DCDC1: variants seen among roughly 807,000 people sequenced by gnomAD.
DCDC1 encodes the protein doublecortin domain containing 1.
Under a neutral mutation model 178.3 loss-of-function variants are expected in DCDC1, and 200 were observed. That is an observed-to-expected ratio of 1.12 (90% CI 1.00 to 1.26). The LOEUF is 1.26. Ranked by LOEUF, DCDC1 falls within the 50% of genes most tolerant of loss-of-function variation. The pLI is 0.00. For missense variants in DCDC1, 1,983 were observed against 1,749.2 expected (o/e 1.13, Z -2.38); for synonymous variants, 690 against 604.8 (o/e 1.14, Z -2.07).
chr11:31,331,819 G>A (rs1238886655), intron 2 of DCDC1, among the ~76,000 whole-genome samples: 1 of 146,306 alleles, frequency 6.8e-6, no homozygotes, highest in Non-Finnish European at 1.5e-5. Context: ...TGTTCATCAG[G>A]GATACTGGTC....
intron 20 of DCDC1, among the ~76,000 whole-genome samples, chr11:30,994,098 A>C (rs1951123179): frequency 6.6e-6 from 1 of 152,162 alleles, no homozygotes; most frequent in African/African-American, 2.4e-5. Flanking sequence ...GGAATGAAAC[A>C]TCATACGACC....
At chr11:30,926,462 G>A (rs1277026979) in intron 22 of DCDC1, among the ~76,000 whole-genome samples, 1 of 152,146 alleles carries the variant, frequency 6.6e-6, no homozygotes, top group African/African-American at 2.4e-5. Context: ...TGGAAAATGG[G>A]CTGGAGGTGG....
chr11:31,257,412 T>A (rs1591559442), intron 8 of DCDC1, among the ~76,000 whole-genome samples: 1 of 152,088 alleles, frequency 6.6e-6, no homozygotes, highest in African/African-American at 2.4e-5. Context: ...TACAGAAAGG[T>A]GATAGATTTT....
intron 8 of DCDC1, among the ~76,000 whole-genome samples, chr11:31,249,365 A>G (rs1369990591): frequency 6.6e-6 from 1 of 152,170 alleles, no homozygotes; most frequent in Admixed American, 6.6e-5. Flanking sequence ...GAGATCTCCA[A>G]CTGCCATTAA....
intron 20 of DCDC1, among the ~76,000 whole-genome samples, chr11:31,031,418 A>G (rs1302158949): frequency 1.3e-5 from 2 of 152,152 alleles, no homozygotes; most frequent in African/African-American, 4.8e-5. Context: ...GAATTAACAC[A>G]GTCTAATTTT....
At chr11:31,265,798 CGTAA>C (rs1399889662) in intron 7 of DCDC1, among the ~76,000 whole-genome samples, 198 bp from the exon 8 acceptor site, 1 of 149,634 alleles carries the variant, frequency 6.7e-6, no homozygotes, top group East Asian at 2.0e-4. Flanking sequence ...TAAAAAAACA[CGTAA>C]GTATTAGTAA....
chr11:31,299,217 T>C (rs1289236857), intron 6 of DCDC1, among the ~76,000 whole-genome samples: 2 of 152,364 alleles, frequency 1.3e-5, no homozygotes, highest in East Asian at 1.9e-4. Flanking sequence ...TTTATTGCTA[T>C]AGGCATGATG....
At chr11:30,895,514 C>T (rs1471452262) in intron 34 of DCDC1, among the ~76,000 whole-genome samples, 2 of 152,124 alleles carry the variant, frequency 1.3e-5, no homozygotes, top group Non-Finnish European at 2.9e-5. Context: ...TAGACCATGA[C>T]TCAAACAAAA....
At chr11:31,313,507 T>C (rs1342952980) in intron 3 of DCDC1, among the ~76,000 whole-genome samples, 1 of 152,216 alleles carries the variant, frequency 6.6e-6, no homozygotes, top group East Asian at 1.9e-4. Flanking sequence ...TTTTGCATCC[T>C]GTCCTTCCTG....
chr11:31,068,206 A>G (rs1956361256), intron 18 of DCDC1, among the ~76,000 whole-genome samples: 1 of 152,164 alleles, frequency 6.6e-6, no homozygotes, highest in African/African-American at 2.4e-5. Context: ...GAGTGTATTA[A>G]CTATGTAATT....
Position 31,163,826 on chromosome 11 carries a change from A to G in DCDC1, c.1222-26042T>C, listed in dbSNP as rs192608511. Among the ~76,000 whole-genome samples, 610 of 152,302 alleles carry G rather than the reference A, an allele frequency of 4.0e-3. 4 individuals are homozygous for G. Among genetic ancestry groups the G allele is most frequent in the Middle Eastern group, 0.017 (5 of 294 alleles). On this transcript the variant is annotated intron_variant, in intron 9 of 38. Transcript: ENST00000684477. ...AACAAAATCAGTGCTTCAAGTAACC[A>G]AACATCTATGGTCAGAAGAATAAGA...
At chr11:30,909,363 T>A (rs776408804) in intron 28 of DCDC1, among the ~76,000 whole-genome samples, 23 of 152,162 alleles carry the variant, frequency 1.5e-4, no homozygotes, top group Non-Finnish European at 3.2e-4. Context: ...ATTTTTTTTC[T>A]TAACAATATT....
At chr11:30,998,311 A>G (rs900080123) in intron 20 of DCDC1, among the ~76,000 whole-genome samples, 1 of 151,484 alleles carries the variant, frequency 6.6e-6, no homozygotes, top group Non-Finnish European at 1.5e-5. Flanking sequence ...TAAAAATTAA[A>G]AAGTGGGGAG....
At position 31,173,772 on chromosome 11, in the gene DCDC1, C is replaced by CACA. The variant is rs1555100778; in HGVS notation, c.1222-35989_1222-35988insTGT. Among the ~76,000 whole-genome samples, 95 of 124,316 alleles carry CACA rather than the reference C, an allele frequency of 7.6e-4. 1 individual carries two copies. The highest frequency in any genetic ancestry group is 3.3e-3 in the East Asian group (11 of 3,378). 81.6% of individuals were successfully genotyped at this position (124,316 alleles called of 152,430 possible). A position where few individuals can be genotyped will look rare whatever the true frequency, so the allele number is the denominator to read the frequency against. On this transcript the variant is annotated intron_variant, in intron 9 of 38. Transcript: ENST00000684477. ...CACACACACACAAACACACACACAC[C>CACA]CCCACATCTTTTTAGACATCTTTTT...
At chr11:30,919,210 T>C (rs946508142) in intron 25 of DCDC1, among the ~76,000 whole-genome samples, 1 of 152,106 alleles carries the variant, frequency 6.6e-6, no homozygotes, top group Non-Finnish European at 1.5e-5. Context: ...GGCTGCCAAG[T>C]AGAAGAGGTA....
chr11:30,900,262 A>G, intron 33 of DCDC1, 84 bp downstream of exon 33: 1 of 1,230,182 alleles, frequency 8.1e-7, no homozygotes, highest in South Asian at 2.2e-5. Flanking sequence ...TACACATTTA[A>G]TTCATTTTCT....
At chr11:31,225,691 TTA>T (rs974700911) in intron 9 of DCDC1, among the ~76,000 whole-genome samples, 3 of 147,488 alleles carry the variant, frequency 2.0e-5, no homozygotes, top group Admixed American at 6.8e-5. Context: ...GGAAGAAAAA[TTA>T]TATATATATA....
At chr11:31,102,921 C>T (rs1668110988) in intron 14 of DCDC1, among the ~76,000 whole-genome samples, 1 of 152,158 alleles carries the variant, frequency 6.6e-6, no homozygotes, top group African/African-American at 2.4e-5. Context: ...CTGGCTCTAC[C>T]ATGTACCAGC....
intron 10 of DCDC1, among the ~76,000 whole-genome samples, chr11:31,136,209 A>G (rs1963114926): frequency 6.6e-6 from 1 of 152,056 alleles, no homozygotes. Context: ...CTGGTAAAAC[A>G]TTTTTCAAAC....
Sources: gnomAD v4.1 joint callset for allele counts (sites outside exome capture counted in the v4.1 genomes callset) on GRCh38, gnomAD v4.1.1 for gene constraint, MANE v1.5 for transcripts, NCBI Gene and HGNC (gene_info 2026-07-23, HGNC 2026-07-21) for gene names.